ABCA12: variants seen among roughly 807,000 people sequenced by gnomAD.
ABCA12 encodes ATP binding cassette subfamily A member 12.
In ABCA12, 156 loss-of-function variants were observed where a neutral mutation model predicts 293.5. The observed-to-expected ratio is 0.53, with a 90% confidence interval of 0.47 to 0.61. The LOEUF (loss-of-function observed/expected upper bound fraction) is 0.61. Among genes scored for constraint, ABCA12 ranks in the 20% least tolerant of loss-of-function variants. ABCA12 has a pLI of 0.00. For missense variants in ABCA12, 2,797 were observed against 3,090.2 expected, an observed-to-expected ratio of 0.91 and a Z score of 2.25; for synonymous variants, 1,063 against 1,108.0, an observed-to-expected ratio of 0.96 and a Z score of 0.81.
chr2:215,083,394 G>A (rs1285752504), intron 2 of ABCA12, among the ~76,000 whole-genome samples: 1 of 152,284 alleles, frequency 6.6e-6, no homozygotes. Flanking sequence ...CAAGACATCA[G>A]GGTTCAGTAC....
Position 214,978,851 on chromosome 2 carries a change from C to T in ABCA12, c.4930G>A (p.Asp1644Asn). 3 of 1,614,006 alleles carry T rather than the reference C, an allele frequency of 1.9e-6. No individual in the cohort carries two copies. The highest frequency in any genetic ancestry group is 2.5e-6 in the Non-Finnish European group (3 of 1,179,974). ...ATGCCGTAGCACCCGATGTTGAGGT[C>T]ACCCATGCCATTGTCGAGTGCCCGT... ...LLRALDNGMGDLNIGCYGISD... is the reference protein window; with the variant it reads ...LLRALDNGMGNLNIGCYGISD... Residue 1644 changes from aspartate (D) to asparagine (N), a missense_variant, in exon 32 of 53, where the codon GAC (aspartate) becomes AAC (asparagine). Physicochemically the swap from Asp to Asn is conservative, Grantham distance 23 (BLOSUM62 1). This residue lies in a region of ABCA12 where 2,130 missense variants were observed against 2,427.0 expected (regional missense o/e 0.88). Coordinates refer to ENST00000272895, the MANE Select transcript of ABCA12 (RefSeq NM_173076.3).
intron 2 of ABCA12, among the ~76,000 whole-genome samples, chr2:215,087,100 G>A (rs1320823208): frequency 1.3e-5 from 2 of 152,030 alleles, no homozygotes; most frequent in Admixed American, 1.3e-4. Context: ...GCACCACCAA[G>A]GTCAGCTAAT....
intron 50 of ABCA12, among the ~76,000 whole-genome samples, chr2:214,938,391 T>A (rs1698289482): frequency 6.6e-6 from 1 of 152,196 alleles, no homozygotes; most frequent in Non-Finnish European, 1.5e-5. Flanking sequence ...TGGTTCCAAG[T>A]CTTTGCTATT....
At chr2:214,987,091 T>C (rs1272869779) in intron 27 of ABCA12, among the ~76,000 whole-genome samples, 3 of 152,146 alleles carry the variant, frequency 2.0e-5, no homozygotes, top group Non-Finnish European at 2.9e-5. Flanking sequence ...GCCTCCAAAG[T>C]TGTGATTTTA....
At position 214,980,465 on chromosome 2, in the gene ABCA12, A is replaced by C; in HGVS notation, c.4740+18T>G. 1 of 1,612,790 alleles carries C rather than the reference A, an allele frequency of 6.2e-7. No individual in the cohort carries two copies. Among genetic ancestry groups the C allele is most frequent in the Non-Finnish European group, 8.5e-7 (1 of 1,179,892 alleles). On this transcript the variant is annotated intron_variant, in intron 31 of 52. Coordinates refer to ENST00000272895, the MANE Select transcript of ABCA12 (RefSeq NM_173076.3). ...AATTTATGGTGCCATAATGAGATAT[A>C]TTTTCTCCCATTCCTACCTTCTTCT... is the stretch of plus-strand genomic sequence containing the variant.
rs900892447 is a variant in ABCA12 at position 215,025,264 on chromosome 2, TA to T, written c.1287+408del. The T allele has an allele frequency of 4.3e-4, 72 of 165,562 alleles. No individual in the cohort carries two copies. The South Asian group carries it at 4.5e-3, about 10-fold the overall frequency. The allele number at this position is 165,562 out of a possible 1,614,324, so 10.3% of individuals were successfully genotyped here. ...ATTTCATGCCGAGATCTCCACTGAT[TA>T]AAAAAAAATACCATTATATAACATC... On this transcript the variant is annotated intron_variant, in intron 11 of 52. Coordinates refer to ENST00000272895, the MANE Select transcript of ABCA12 (RefSeq NM_173076.3).
At chr2:215,067,664 T>C (rs1358955941) in intron 2 of ABCA12, among the ~76,000 whole-genome samples, 2 of 152,032 alleles carry the variant, frequency 1.3e-5, no homozygotes, top group Non-Finnish European at 2.9e-5. Flanking sequence ...AATCCTAAGC[T>C]GGTTATGGCT....
At chr2:215,112,311 A>T (rs997152451) in intron 1 of ABCA12, among the ~76,000 whole-genome samples, 1 of 151,108 alleles carries the variant, frequency 6.6e-6, no homozygotes, top group Non-Finnish European at 1.5e-5. Context: ...CTATCATAGA[A>T]CTTACACCGT....
At chr2:215,003,472 C>A (rs1700185435) in intron 20 of ABCA12, among the ~76,000 whole-genome samples, 1 of 151,856 alleles carries the variant, frequency 6.6e-6, no homozygotes, top group African/African-American at 2.4e-5. Context: ...TAATTACATT[C>A]TGGGTTAGTC....
rs1226084292 is a variant in ABCA12 at position 214,948,648 on chromosome 2, T to A, written c.7052A>T (p.His2351Leu). The change falls in exon 47 of 53, where the codon CAT (histidine) becomes CTT (leucine). Residue 2351 changes from histidine (H) to leucine (L), a missense_variant. By Grantham distance (99) the His-to-Leu change is moderately conservative. Coordinates refer to ENST00000272895, the MANE Select transcript of ABCA12 (RefSeq NM_173076.3). ...ATGTACCCTGGCATAGAAATACAAA[T>A]GTTCTTCCACAGTTACCAGGTCATC... ...ALDDLVTVEEHLYFYARVHGI... is the reference protein window; with the variant it reads ...ALDDLVTVEELLYFYARVHGI... The A allele has an allele frequency of 6.2e-7, 1 of 1,614,096 alleles. No homozygotes were observed. The highest frequency in any genetic ancestry group is 1.7e-5 in the Admixed American group (1 of 60,010).
intron 2 of ABCA12, among the ~76,000 whole-genome samples, chr2:215,083,996 G>C (rs1701991695): frequency 6.6e-6 from 1 of 150,968 alleles, no homozygotes; most frequent in Non-Finnish European, 1.5e-5. Flanking sequence ...ATTTTTTTTT[G>C]AGACAGGGTC....
intron 33 of ABCA12, among the ~76,000 whole-genome samples, chr2:214,976,590 C>T (rs192545367): frequency 4.6e-5 from 7 of 152,254 alleles, no homozygotes; most frequent in Non-Finnish European, 1.5e-5. Flanking sequence ...AAGGGAAATC[C>T]TCTCTTCCAG....
chr2:214,975,252 C>T (rs999675786), intron 34 of ABCA12, among the ~76,000 whole-genome samples: 8 of 152,164 alleles, frequency 5.3e-5, no homozygotes, highest in Non-Finnish European at 1.0e-4. Flanking sequence ...GCGTGAGCCA[C>T]GGCACTCAGC....
intron 7 of ABCA12, among the ~76,000 whole-genome samples, chr2:215,038,174 G>A (rs1701028397): frequency 2.0e-5 from 3 of 151,804 alleles, no homozygotes; most frequent in Non-Finnish European, 4.4e-5. Flanking sequence ...ATATACATGT[G>A]GATATGTGTG....
At chr2:215,068,509 AAGGATAGCCTTTCTTAC>A (rs1701676987) in intron 2 of ABCA12, among the ~76,000 whole-genome samples, 1 of 152,114 alleles carries the variant, frequency 6.6e-6, no homozygotes, top group African/African-American at 2.4e-5. Flanking sequence ...TGACTCCTGG[AAGGATAGCCTTTCTTAC>A]AGGCATCTCC....
chr2:215,031,674 T>C (rs778399296), intron 9 of ABCA12, 147 bp downstream of exon 9: 26 of 893,014 alleles, frequency 2.9e-5, no homozygotes, highest in South Asian at 5.7e-5. Flanking sequence ...TTACTACACT[T>C]GGACTATGCC....
At chr2:215,138,014 A>G (rs1049257121) in intron 1 of ABCA12, 126 bp downstream of exon 1, 28 of 984,590 alleles carry the variant, frequency 2.8e-5, no homozygotes, top group Non-Finnish European at 1.5e-5. Context: ...AATTCTAAAT[A>G]TCTTACTTCC....
intron 47 of ABCA12, chr2:214,947,791 C>G: frequency 1.9e-6 from 1 of 526,372 alleles, no homozygotes; most frequent in East Asian, 3.6e-5. Flanking sequence ...GATTCCCTCC[C>G]CCACCAAACG....
At chr2:215,031,949 T>A (rs773896090) in intron 8 of ABCA12, 53 bp from the exon 9 acceptor site, 3 of 1,609,806 alleles carry the variant, frequency 1.9e-6, no homozygotes, top group Middle Eastern at 1.7e-4. Flanking sequence ...GCTTAAAGAT[T>A]TTTTTCCTCA....
Sources: allele counts gnomAD v4.1 joint callset (sites outside exome capture counted in the v4.1 genomes callset), GRCh38; gene constraint gnomAD v4.1.1; regional missense constraint gnomAD v4.1.1; transcripts MANE v1.5; gene names NCBI Gene and HGNC (gene_info 2026-07-23, HGNC 2026-07-21).